Variants in CYP2S1 observed in about 807,000 individuals in gnomAD.
CYP2S1 encodes cytochrome P450 2S1.
Under a neutral mutation model 43.5 loss-of-function variants are expected in CYP2S1, and 32 were observed. The observed-to-expected ratio is 0.74, with a 90% CI of 0.56 to 0.99. CYP2S1 has a LOEUF of 0.99. Among genes scored for constraint, CYP2S1 ranks in the 50% least tolerant of loss-of-function variants. CYP2S1 has a pLI of 0.00. For synonymous variants in CYP2S1, 283 were observed against 302.9 expected, an observed-to-expected ratio of 0.93 and a Z score of 0.68; for missense variants, 575 against 673.9, an observed-to-expected ratio of 0.85 and a Z score of 1.62.
rs998460679 is a variant in CYP2S1, at chr19:41,203,443, C to G, written c.977-7C>G. On this transcript the variant is annotated splice_region_variant and splice_polypyrimidine_tract_variant and intron_variant, in intron 6 of 8. Coordinates refer to ENST00000310054, the MANE Select transcript of CYP2S1 (RefSeq NM_030622.8). ...CCGTCTGACTCCTGCCCTCCTCTTG[C>G]TTGCAGAGTGGGTACGTGAGGAGCT... 5 of 1,593,302 alleles carry G rather than the reference C, an allele frequency of 3.1e-6. No homozygotes were observed. Among genetic ancestry groups the G allele is most frequent in the Non-Finnish European group, 4.3e-6 (5 of 1,169,350 alleles).
intron 2 of CYP2S1, 47 bp from the exon 3 acceptor site, chr19:41,197,732 A>G (rs1283375623): frequency 1.3e-6 from 2 of 1,591,854 alleles, no homozygotes; most frequent in Non-Finnish European, 1.7e-6. Context: ...AGAAGGGGGA[A>G]TGGGGGAGAG....
At chr19:41,196,862 G>C (rs534556176) in intron 2 of CYP2S1, among the ~76,000 whole-genome samples, 11 of 152,104 alleles carry the variant, frequency 7.2e-5, no homozygotes, top group Non-Finnish European at 1.5e-4. Flanking sequence ...TGGGTGGATG[G>C]AAGGAAGGAA....
intron 7 of CYP2S1, among the ~76,000 whole-genome samples, chr19:41,205,342 T>TTTTCTTTCTTTCTTTTTTTCTTTCTTTC (rs2033551427): frequency 9.0e-6 from 1 of 111,656 alleles, no homozygotes; most frequent in Non-Finnish European, 1.7e-5. Context: ...TTCTTTCTTT[T>TTTTCTTTCTTTCTTTTTTTCTTTCTTTC]TTTCTTTCTT....
At chr19:41,201,480 C>A in intron 6 of CYP2S1, 108 bp downstream of exon 6, 1 of 1,455,602 alleles carries the variant, frequency 6.9e-7, no homozygotes. Context: ...CTGAGGCGGG[C>A]TGATCACTTG....
At position 41,198,341 on chromosome 19, in the gene CYP2S1, C is replaced by G; in HGVS notation, c.494-121C>G. On this transcript the variant is annotated intron_variant, in intron 3 of 8. Transcript: ENST00000310054. The surrounding 1 kb of genome is among the most constrained non-coding windows in gnomAD (Gnocchi z 4.9). ...TCCTTCTTTGCCTGTTTAGCTCTCT[C>G]CCTGCGCTGTCCATCCATCTTTCCC... The G allele has an allele frequency of 7.6e-7, 1 of 1,311,344 alleles. No homozygotes were observed. The highest frequency in any genetic ancestry group is 1.1e-6 in the Non-Finnish European group (1 of 941,310). 81.2% of individuals were successfully genotyped at this position (1,311,344 alleles called of 1,614,324 possible). A position where few individuals can be genotyped will look rare whatever the true frequency, so the allele number is the denominator to read the frequency against.
chr19:41,207,017 T>TGATA lies in CYP2S1; in HGVS notation c.*529_*530insGATA. ...ATGCTCCCTCTCTTGGCTACACCAC[T>TGATA]CTCCCAGCCTGTGACCACCGATGTC... On this transcript the variant is annotated 3_prime_UTR_variant, in exon 9 of 9. Transcript: ENST00000310054. 1 of 354,448 alleles carries TGATA rather than the reference T, an allele frequency of 2.8e-6. No individual in the cohort carries two copies. Among genetic ancestry groups the TGATA allele is most frequent in the South Asian group, 2.1e-5 (1 of 47,458 alleles). The allele number at this position is 354,448 out of a possible 1,614,324, so 22.0% of individuals were successfully genotyped here. A position where few individuals can be genotyped will look rare whatever the true frequency, so the allele number is the denominator to read the frequency against.
chr19:41,193,399 C>T lies in CYP2S1; in HGVS notation c.135C>T (p.Leu45=). ...GPTPLPLLGN[L]LQLRPGALYS... is the part of the protein sequence containing the mutation. Reference sequence around the variant, plus strand: ...CGCCGCTACCACTGCTGGGAAACCTCCTGCAGCTACGGCCCGGGGCGCTGT... The same window carrying T: ...CGCCGCTACCACTGCTGGGAAACCTTCTGCAGCTACGGCCCGGGGCGCTGT... The change falls in exon 1 of 9, where the codon CTC becomes CTT. Residue 45 remains leucine, a synonymous_variant. Coordinates refer to ENST00000310054, the MANE Select transcript of CYP2S1 (RefSeq NM_030622.8). 6.6e-7 allele frequency: 1 copy of T among 1,517,270 alleles called. No homozygotes were observed. Among genetic ancestry groups the T allele is most frequent in the Non-Finnish European group, 8.8e-7 (1 of 1,130,554 alleles). The allele number at this position is 1,517,270 out of a possible 1,614,324, so 94.0% of individuals were successfully genotyped here. A position where few individuals can be genotyped will look rare whatever the true frequency, so the allele number is the denominator to read the frequency against.
Position 41,206,426 on chromosome 19 carries a change from C to G in CYP2S1, c.1453C>G (p.Pro485Ala). Residue 485 changes from proline (P) to alanine (A), a missense_variant, in exon 9 of 9, where the codon CCC becomes GCC. Coordinates refer to ENST00000310054, the MANE Select transcript of CYP2S1 (RefSeq NM_030622.8). ...KPTVSGLFNI[P>A]PAFQLQVRPT... ...CACCGTCAGTGGCCTTTTCAACATT[C>G]CCCCAGCCTTCCAGCTGCAAGTCCG... 6.2e-7 allele frequency: 1 copy of G among 1,614,142 alleles called. No homozygotes were observed. The highest frequency in any genetic ancestry group is 8.5e-7 in the Non-Finnish European group (1 of 1,180,032).
At chr19:41,193,542 G>A in intron 1 of CYP2S1, 101 bp downstream of exon 1, 1 of 1,362,412 alleles carries the variant, frequency 7.3e-7, no homozygotes, top group East Asian at 3.0e-5. Flanking sequence ...TAGGGAGGAG[G>A]CAGGGGCAGG....
chr19:41,205,398 T>TTCTCTC, intron 7 of CYP2S1, among the ~76,000 whole-genome samples: 1 of 78,084 alleles, frequency 1.3e-5, no homozygotes, highest in Non-Finnish European at 2.6e-5. Context: ...CTCTCTTTCT[T>TTCTCTC]TCTCTCTTTC....
Position 41,206,343 on chromosome 19 carries a change from T to C in CYP2S1, c.1370T>C (p.Ile457Thr). Residue 457 changes from isoleucine (I) to threonine (T), a missense_variant, in exon 9 of 9, where the codon ATC becomes ACC. By Grantham distance (89) the Ile-to-Thr change is moderately conservative (BLOSUM62 -1). Coordinates refer to ENST00000310054, the MANE Select transcript of CYP2S1 (RefSeq NM_030622.8). ...KAELFLFFTT[I>T]LQAFSLESPC... ...GAGCTCTTCCTCTTCTTCACCACCA[T>C]CCTACAAGCCTTCTCCCTGGAGAGC... The C allele has an allele frequency of 6.2e-7, 1 of 1,614,072 alleles. No individual in the cohort carries two copies. The highest frequency in any genetic ancestry group is 8.5e-7 in the Non-Finnish European group (1 of 1,180,012).
Position 41,201,315 on chromosome 19 carries a change from G to C in CYP2S1, c.919G>C (p.Val307Leu), listed in dbSNP as rs1260819154. The C allele has an allele frequency of 6.2e-7, 1 of 1,614,130 alleles. No homozygotes were observed. Residue 307 changes from valine to leucine, a missense_variant, in exon 6 of 9, where the codon GTC becomes CTC. Val to Leu is a conservative substitution (Grantham distance 32). Coordinates refer to ENST00000310054, the MANE Select transcript of CYP2S1 (RefSeq NM_030622.8). ...IYLLFAGTMT[V>L]STTVGYTLLL... Reference sequence around the variant, plus strand: ...TTTGCTGTTTGCTGGGACGATGACGGTCAGCACCACGGTCGGCTATACCCT... The same window carrying C: ...TTTGCTGTTTGCTGGGACGATGACGCTCAGCACCACGGTCGGCTATACCCT...
At position 41,198,398 on chromosome 19, in the gene CYP2S1, C is replaced by T. The variant is rs1568400079; in HGVS notation, c.494-64C>T. 4 of 1,588,124 alleles carry T rather than the reference C, an allele frequency of 2.5e-6. No individual in the cohort carries two copies. Among genetic ancestry groups the T allele is most frequent in the Admixed American group, 1.7e-5 (1 of 58,738 alleles). On this transcript the variant is annotated intron_variant, in intron 3 of 8. Transcript: ENST00000310054. The surrounding 1 kb of genome is among the most constrained non-coding windows in gnomAD (Gnocchi z 4.9). Reference sequence around the variant, plus strand: ...CCTGTCTCTCTCTGGTTGGGTTCAGCTCCAACCTGCTCCCCTCTGCCTGGC... The same window carrying T: ...CCTGTCTCTCTCTGGTTGGGTTCAGTTCCAACCTGCTCCCCTCTGCCTGGC...
chr19:41,207,470 C>G lies in CYP2S1; in HGVS notation c.*982C>G, dbSNP rs977169925. 1 of 153,928 alleles carries G rather than the reference C, an allele frequency of 6.5e-6. No individual in the cohort carries two copies. Among genetic ancestry groups the G allele is most frequent in the Admixed American group, 6.5e-5 (1 of 15,492 alleles). 9.5% of individuals were successfully genotyped at this position (153,928 alleles called of 1,614,324 possible). Reference sequence around the variant, plus strand: ...CAATTCACCCTGTCAGGGAGTGAGCCGGATCTGACGTTCCTTGTGACTTAA... The same window carrying G: ...CAATTCACCCTGTCAGGGAGTGAGCGGGATCTGACGTTCCTTGTGACTTAA... On this transcript the variant is annotated 3_prime_UTR_variant, in exon 9 of 9. Coordinates refer to ENST00000310054, the MANE Select transcript of CYP2S1 (RefSeq NM_030622.8).
At chr19:41,203,423 T>C (rs2033516588) in intron 6 of CYP2S1, 27 bp from the exon 7 acceptor site, 1 of 1,562,638 alleles carries the variant, frequency 6.4e-7, no homozygotes, top group Middle Eastern at 1.8e-4. Context: ...TACCCCCGTC[T>C]GACTCCTGCC....
In CYP2S1 at chr19:41,193,323, C is replaced by T. The variant is rs1245326733; in HGVS notation, c.59C>T (p.Thr20Met). The T allele has an allele frequency of 1.9e-6, 3 of 1,541,504 alleles. No homozygotes were observed. The Admixed American group carries it at 5.9e-5, about 31-fold the overall frequency. The change falls in exon 1 of 9, where the codon ACG becomes ATG. Residue 20 changes from threonine to methionine, a missense_variant. By Grantham distance (81) the Thr-to-Met change is moderately conservative. Around this residue, in one of 2 missense-constraint regions of CYP2S1, gnomAD observed 353 missense variants for 367.6 expected, o/e 0.96. Transcript: ENST00000310054. Reference sequence around the variant, plus strand: ...GCGCTGGCGCTGCTCCTGCTGCTGACGCTGGCGCTGTCCGGGACCAGGGCC... The same window carrying T: ...GCGCTGGCGCTGCTCCTGCTGCTGATGCTGGCGCTGTCCGGGACCAGGGCC... ...LLALALLLLL[T>M]LALSGTRARG...
Position 41,206,606 on chromosome 19 carries a change from G to A in CYP2S1, c.*118G>A. ...TGCAGGCAGCCACATTTACACGCCT[G>A]CAGTTGTTTTCCGGAGTCTGTCCCA... On this transcript the variant is annotated 3_prime_UTR_variant, in exon 9 of 9. Transcript: ENST00000310054. 1 of 1,299,706 alleles carries A rather than the reference G, an allele frequency of 7.7e-7. No individual in the cohort carries two copies. Among genetic ancestry groups the A allele is most frequent in the Non-Finnish European group, 1.1e-6 (1 of 902,092 alleles). 80.5% of individuals were successfully genotyped at this position (1,299,706 alleles called of 1,614,324 possible).
In CYP2S1 at chr19:41,199,009, G is replaced by A; in HGVS notation, c.834+121G>A. 3.4e-6 allele frequency: 4 copies of A among 1,193,440 alleles called. No individual in the cohort carries two copies. The South Asian group carries it at 4.6e-5, about 14-fold the overall frequency. 73.9% of individuals were successfully genotyped at this position (1,193,440 alleles called of 1,614,324 possible). ...TCTCTTTCTCTCTCTGCATGTCTCT[G>A]TGAGTATGAGTGTCTCTGTGCATGT... On this transcript the variant is annotated intron_variant, in intron 5 of 8. Coordinates refer to ENST00000310054, the MANE Select transcript of CYP2S1 (RefSeq NM_030622.8).
In CYP2S1 at chr19:41,198,722, TCTC is replaced by T; in HGVS notation, c.671_673del (p.Ser224del). 1 of 1,613,954 alleles carries T rather than the reference TCTC, an allele frequency of 6.2e-7. No homozygotes were observed. Among genetic ancestry groups the T allele is most frequent in the Non-Finnish European group, 8.5e-7 (1 of 1,179,958 alleles). On this transcript the variant is annotated inframe_deletion, in exon 5 of 9. Coordinates refer to ENST00000310054, the MANE Select transcript of CYP2S1 (RefSeq NM_030622.8). This position sits in a 1 kb window ranked among gnomAD's most constrained non-coding sequence, Gnocchi z 4.9. Reference sequence around the variant, plus strand: ...TTCTCCCCACAGACCTACGAGATGTTCTCCTGGTTCCTGCGGCCCCTGCCAGGC... The same window carrying T: ...TTCTCCCCACAGACCTACGAGATGTTCTGGTTCCTGCGGCCCCTGCCAGGC...
Sources: allele counts gnomAD v4.1 joint callset (sites outside exome capture counted in the v4.1 genomes callset), GRCh38; gene constraint gnomAD v4.1.1; regional missense constraint gnomAD v4.1.1; non-coding constraint Gnocchi (gnomAD v3.1); transcripts MANE v1.5; gene names NCBI Gene and HGNC (gene_info 2026-07-23, HGNC 2026-07-21).